Variants in KCNMB2 observed in about 807,000 individuals in gnomAD.
KCNMB2 encodes the protein potassium calcium-activated channel subfamily M regulatory beta subunit 2, also known as calcium-activated potassium channel subunit beta-2.
KCNMB2 carries 9 observed loss-of-function variants against 24.5 expected under a neutral mutation model. That is an observed-to-expected ratio of 0.37 (90% CI 0.22 to 0.64). The LOEUF (loss-of-function observed/expected upper bound fraction) is 0.64, where lower values mean the gene tolerates loss of function less well. KCNMB2 is among the 30% of genes least tolerant of loss of function. The pLI is 0.63. For missense variants in KCNMB2, 226 were observed against 284.3 expected (o/e 0.79, Z 1.47); for synonymous variants, 109 against 104.4 (o/e 1.04, Z -0.27).
chr3:178,561,555 T>C (rs574203693), intron 1 of KCNMB2, among the ~76,000 whole-genome samples: 186 of 152,326 alleles, frequency 1.2e-3, no homozygotes, highest in Middle Eastern at 3.4e-3. Context: ...TCAGATGAGA[T>C]GAGTGATAAG....
chr3:178,831,247 T>A (rs1257857173), intron 4 of KCNMB2, among the ~76,000 whole-genome samples: 2 of 152,136 alleles, frequency 1.3e-5, no homozygotes, highest in Non-Finnish European at 2.9e-5. Context: ...ACTATTCTTT[T>A]TAAAGTCAAA....
At chr3:178,750,911 G>A (rs993663402) in intron 1 of KCNMB2, among the ~76,000 whole-genome samples, 3 of 152,174 alleles carry the variant, frequency 2.0e-5, no homozygotes, top group Non-Finnish European at 2.9e-5. Flanking sequence ...AATTCTGCCT[G>A]AGTACACCAT....
At chr3:178,780,997 A>G (rs1282184503) in intron 1 of KCNMB2, among the ~76,000 whole-genome samples, 1 of 152,190 alleles carries the variant, frequency 6.6e-6, no homozygotes, top group African/African-American at 2.4e-5. Context: ...CTGCACTGCA[A>G]AGTGCTATAA....
chr3:178,573,583 T>TAAAAAAAAA (rs71647211), intron 1 of KCNMB2, among the ~76,000 whole-genome samples: 1 of 124,658 alleles, frequency 8.0e-6, no homozygotes. Flanking sequence ...CTACAAAACA[T>TAAAAAAAAA]AAAAAAAAAA....
rs1044168128 is a variant in KCNMB2, at chr3:178,843,214, T to C, written c.*277T>C. ...TTCTCTCATTCCGCCAAAACAGGGC[T>C]CAGTTATTCATTTGCCAAGCTTCGT... On this transcript the variant is annotated 3_prime_UTR_variant, in exon 5 of 5. Coordinates refer to ENST00000452583, the MANE Select transcript of KCNMB2 (RefSeq NM_181361.3). 1.9e-6 allele frequency: 1 copy of C among 527,644 alleles called. No homozygotes were observed. Among genetic ancestry groups the C allele is most frequent in the African/African-American group, 1.9e-5 (1 of 52,922 alleles). The allele number at this position is 527,644 out of a possible 1,614,324, so 32.7% of individuals were successfully genotyped here.
At chr3:178,794,622 A>G (rs1713461105) in intron 1 of KCNMB2, among the ~76,000 whole-genome samples, 1 of 152,256 alleles carries the variant, frequency 6.6e-6, no homozygotes, top group Non-Finnish European at 1.5e-5. Flanking sequence ...TCAAGAATCA[A>G]AAAATGACGA....
intron 1 of KCNMB2, among the ~76,000 whole-genome samples, chr3:178,551,933 C>T (rs1715966705): frequency 1.3e-5 from 2 of 152,122 alleles, no homozygotes; most frequent in African/African-American, 4.8e-5. Flanking sequence ...CCCTAGGTAC[C>T]AGTGTGCACA....
intron 1 of KCNMB2, among the ~76,000 whole-genome samples, chr3:178,629,619 T>C (rs972968112): frequency 7.2e-5 from 11 of 152,210 alleles, no homozygotes; most frequent in Admixed American, 6.5e-4. Context: ...TGTTATGTAA[T>C]AGTTACAGAG....
At chr3:178,630,043 T>C (rs537520329) in intron 1 of KCNMB2, among the ~76,000 whole-genome samples, 16 of 152,314 alleles carry the variant, frequency 1.1e-4, no homozygotes, top group Admixed American at 9.8e-4. Flanking sequence ...TCTCCAGTGC[T>C]AAAGGAAGAA....
chr3:178,628,329 A>G (rs1050113736), intron 1 of KCNMB2, among the ~76,000 whole-genome samples: 1 of 152,192 alleles, frequency 6.6e-6, no homozygotes, highest in Non-Finnish European at 1.5e-5. Context: ...TTGTAAGCAA[A>G]TAGTTCTTGG....
intron 1 of KCNMB2, among the ~76,000 whole-genome samples, chr3:178,771,688 C>A (rs959297557): frequency 1.3e-5 from 2 of 151,994 alleles, no homozygotes; most frequent in Admixed American, 1.3e-4. Flanking sequence ...TTCCATGTGA[C>A]TCACTTTGCT....
chr3:178,750,730 C>T (rs76402315), intron 1 of KCNMB2, among the ~76,000 whole-genome samples: 1,836 of 152,314 alleles, frequency 0.012, 42 homozygotes, highest in African/African-American at 0.042. Context: ...GCTTTTCAGA[C>T]AGTAGGAGCT....
At chr3:178,782,482 T>C (rs1712899033) in intron 1 of KCNMB2, among the ~76,000 whole-genome samples, 1 of 151,732 alleles carries the variant, frequency 6.6e-6, no homozygotes, top group Non-Finnish European at 1.5e-5. Context: ...TGATTGCCAT[T>C]CTAACTGGCG....
chr3:178,616,196 G>A (rs1370080963), intron 1 of KCNMB2, among the ~76,000 whole-genome samples: 3 of 152,136 alleles, frequency 2.0e-5, no homozygotes, highest in African/African-American at 7.2e-5. Flanking sequence ...TAAGTCGGGT[G>A]CCCCCAGAGT....
At chr3:178,625,049 T>TG (rs1467695081) in intron 1 of KCNMB2, among the ~76,000 whole-genome samples, 2 of 152,028 alleles carry the variant, frequency 1.3e-5, no homozygotes, top group Non-Finnish European at 2.9e-5. Context: ...GGGTGGCTCC[T>TG]GGGGTAAGGC....
At chr3:178,758,113 AGG>A (rs1724244754) in intron 1 of KCNMB2, among the ~76,000 whole-genome samples, 1 of 98,748 alleles carries the variant, frequency 1.0e-5, no homozygotes, top group East Asian at 3.3e-4. Context: ...TACACACAAG[AGG>A]ATATATATAT....
At chr3:178,669,647 T>C (rs1299328400) in intron 1 of KCNMB2, among the ~76,000 whole-genome samples, 1 of 152,086 alleles carries the variant, frequency 6.6e-6, no homozygotes, top group Non-Finnish European at 1.5e-5. Context: ...TCCAGGAACT[T>C]ATCATTTAGG....
At chr3:178,705,134 C>T (rs1722235892) in intron 1 of KCNMB2, among the ~76,000 whole-genome samples, 1 of 152,064 alleles carries the variant, frequency 6.6e-6, no homozygotes, top group Non-Finnish European at 1.5e-5. Context: ...AAGCTGGTAG[C>T]CTAAACCAGT....
intron 1 of KCNMB2, among the ~76,000 whole-genome samples, chr3:178,648,027 C>T (rs1198212336): frequency 1.3e-5 from 2 of 152,046 alleles, no homozygotes; most frequent in African/African-American, 4.8e-5. Flanking sequence ...GTGCACAACA[C>T]TGAATTAATC....
Sources: allele counts gnomAD v4.1 joint callset (sites outside exome capture counted in the v4.1 genomes callset), GRCh38; gene constraint gnomAD v4.1.1; transcripts MANE v1.5; gene names NCBI Gene and HGNC (gene_info 2026-07-23, HGNC 2026-07-21).